ACTR3B: variants seen among roughly 807,000 people sequenced by gnomAD.
ACTR3B encodes actin-related protein 3B.
Under a neutral mutation model 59.0 loss-of-function variants are expected in ACTR3B, and 8 were observed. That is an observed-to-expected ratio of 0.14 (90% CI 0.08 to 0.24). ACTR3B has a LOEUF of 0.24. Among genes scored for constraint, ACTR3B ranks in the 10% least tolerant of loss-of-function variants. The pLI is 1.00. For missense variants in ACTR3B, 245 were observed against 552.3 expected (o/e 0.44, Z 5.58); for synonymous variants, 148 against 197.9 (o/e 0.75, Z 2.12).
At chr7:152,829,627 C>T (rs1404506871) in intron 9 of ACTR3B, among the ~76,000 whole-genome samples, 7 of 152,062 alleles carry the variant, frequency 4.6e-5, no homozygotes, top group Admixed American at 3.3e-4. Context: ...GGGCTTCATC[C>T]AGGAGCTGTA....
chr7:152,769,671 G>A (rs1473287009), intron 1 of ACTR3B, among the ~76,000 whole-genome samples: 2 of 151,950 alleles, frequency 1.3e-5, no homozygotes, highest in African/African-American at 4.8e-5. Context: ...AACATCTTTT[G>A]CCATGTAGTC....
chr7:152,762,503 G>GT (rs1369870534), intron 1 of ACTR3B, among the ~76,000 whole-genome samples: 2 of 152,160 alleles, frequency 1.3e-5, no homozygotes, highest in South Asian at 2.1e-4. Flanking sequence ...TTCCTGCACT[G>GT]TTTGAGAGTA....
intron 1 of ACTR3B, among the ~76,000 whole-genome samples, chr7:152,778,261 T>A (rs60982321): frequency 0.016 from 2,377 of 151,426 alleles, 45 homozygotes; most frequent in African/African-American, 0.039. Flanking sequence ...TATGTTTTTT[T>A]ATTTATTTTT....
intron 1 of ACTR3B, among the ~76,000 whole-genome samples, chr7:152,762,599 A>G (rs565390828): frequency 4.8e-4 from 73 of 152,324 alleles, no homozygotes; most frequent in South Asian, 1.5e-3. Context: ...ATCACATTCC[A>G]ATCATCAAAA....
At chr7:152,761,964 A>G (rs913698604) in intron 1 of ACTR3B, among the ~76,000 whole-genome samples, 2 of 152,194 alleles carry the variant, frequency 1.3e-5, no homozygotes, top group African/African-American at 2.4e-5. Flanking sequence ...CATAAGAGTC[A>G]TGGTTATGTA....
chr7:152,842,121 C>T (rs1218698900), intron 9 of ACTR3B, among the ~76,000 whole-genome samples: 5 of 152,184 alleles, frequency 3.3e-5, no homozygotes, highest in South Asian at 4.1e-4. Flanking sequence ...CCCTTCTTAT[C>T]CATGGGGCAT....
At chr7:152,845,435 GT>G (rs1239154584) in intron 9 of ACTR3B, among the ~76,000 whole-genome samples, 3 of 152,222 alleles carry the variant, frequency 2.0e-5, no homozygotes, top group Non-Finnish European at 2.9e-5. Context: ...AGTTTTTAAA[GT>G]TCACTGTCTG....
At chr7:152,812,048 T>TTTTTA (rs1795302866) in intron 4 of ACTR3B, 1 of 61,604 alleles carries the variant, frequency 1.6e-5, no homozygotes, top group African/African-American at 4.1e-5. Context: ...TTTTTTTTTT[T>TTTTTA]GAGACGGAGT....
At chr7:152,808,585 T>G (rs2098259667) in intron 4 of ACTR3B, among the ~76,000 whole-genome samples, 1 of 152,234 alleles carries the variant, frequency 6.6e-6, no homozygotes, top group Non-Finnish European at 1.5e-5. Context: ...GGCAGCTCTT[T>G]GCTGGGAGGC....
intron 11 of ACTR3B, 100 bp downstream of exon 11, chr7:152,853,677 C>A (rs1037337626): frequency 9.5e-7 from 1 of 1,055,090 alleles, no homozygotes; most frequent in Non-Finnish European, 1.4e-6. Flanking sequence ...GTGCCCTAAT[C>A]GTGTGGCTCT....
intron 2 of ACTR3B, among the ~76,000 whole-genome samples, chr7:152,797,079 TAAA>T (rs1467032218): frequency 2.0e-5 from 3 of 151,936 alleles, no homozygotes; most frequent in Admixed American, 1.3e-4. Context: ...TTTTTTTAAT[TAAA>T]AACAGTTTTT....
intron 4 of ACTR3B, among the ~76,000 whole-genome samples, chr7:152,805,432 G>A (rs1281085415): frequency 2.0e-5 from 3 of 152,120 alleles, no homozygotes; most frequent in African/African-American, 7.2e-5. Context: ...GCATTCACGT[G>A]TTGATAGTTG....
intron 2 of ACTR3B, among the ~76,000 whole-genome samples, chr7:152,783,575 A>G (rs1260711953): frequency 6.6e-6 from 1 of 151,886 alleles, no homozygotes; most frequent in African/African-American, 2.4e-5. Context: ...TGGACTGAAT[A>G]TCTCTTGTAC....
At chr7:152,816,630 A>T (rs761693865) in intron 6 of ACTR3B, 42 bp downstream of exon 6, 2 of 1,504,654 alleles carry the variant, frequency 1.3e-6, no homozygotes, top group African/African-American at 1.4e-5. Context: ...TAGGCTTAAC[A>T]CCTGATTCGA....
intron 9 of ACTR3B, among the ~76,000 whole-genome samples, chr7:152,835,834 C>T (rs562201628): frequency 1.1e-4 from 17 of 151,862 alleles, no homozygotes; most frequent in South Asian, 6.3e-4. Flanking sequence ...TCTCCCTACC[C>T]GAAACACATC....
At chr7:152,795,671 A>G (rs1315768561) in intron 2 of ACTR3B, among the ~76,000 whole-genome samples, 2 of 152,218 alleles carry the variant, frequency 1.3e-5, no homozygotes, top group Non-Finnish European at 2.9e-5. Flanking sequence ...TGAAAAACCA[A>G]TATATCCAGT....
intron 6 of ACTR3B, among the ~76,000 whole-genome samples, chr7:152,819,065 T>C (rs1291871540): frequency 1.3e-5 from 2 of 152,238 alleles, no homozygotes; most frequent in African/African-American, 4.8e-5. Flanking sequence ...AATATAATAA[T>C]TGTGAATAGT....
chr7:152,795,727 A>C (rs1488057309), intron 2 of ACTR3B, among the ~76,000 whole-genome samples: 2 of 152,190 alleles, frequency 1.3e-5, no homozygotes, highest in Non-Finnish European at 2.9e-5. Flanking sequence ...ATGGTTAACC[A>C]GTATTAATCT....
chr7:152,812,393 G>A (rs1795341538), intron 4 of ACTR3B: 1 of 99,794 alleles, frequency 1.0e-5, no homozygotes, highest in African/African-American at 2.7e-5. Context: ...TCTTTTGCTG[G>A]ACTTTCTGCA....
Sources: allele counts gnomAD v4.1 joint callset (sites outside exome capture counted in the v4.1 genomes callset), GRCh38; gene constraint gnomAD v4.1.1; transcripts MANE v1.5; gene names NCBI Gene and HGNC (gene_info 2026-07-23, HGNC 2026-07-21).